PGLYRP3: variants seen among roughly 807,000 people sequenced by gnomAD.
PGLYRP3 encodes peptidoglycan recognition protein 3.
Under a neutral mutation model 36.0 loss-of-function variants are expected in PGLYRP3, and 39 were observed. The observed-to-expected ratio is 1.08, with a 90% CI of 0.84 to 1.41. The LOEUF (loss-of-function observed/expected upper bound fraction) is 1.41, where lower values mean the gene tolerates loss of function less well. PGLYRP3 is among the 40% of genes most tolerant of loss of function. The pLI, the probability that PGLYRP3 is intolerant of heterozygous loss-of-function variation, is 0.00. For synonymous variants in PGLYRP3, 204 were observed against 172.8 expected, an observed-to-expected ratio of 1.18 and a Z score of -1.42; for missense variants, 407 against 427.9, an observed-to-expected ratio of 0.95 and a Z score of 0.43.
intron 2 of PGLYRP3, 41 bp downstream of exon 2, chr1:153,310,570 G>C: frequency 6.3e-7 from 1 of 1,590,508 alleles, no homozygotes; most frequent in Non-Finnish European, 8.6e-7. Flanking sequence ...GTCTTCTCTT[G>C]CTCATCAAAA....
rs1659626338 is a variant in PGLYRP3, at chr1:153,302,596, T to A, written c.541A>T (p.Ile181Phe). ...PVMPRKVCPN[I>F]IKRSAWEARE... ...GCTTCCCAAGCAGATCGTTTGATGA[T>A]GTTGGGGCAAACTGTGGTAAAATGA... The change falls in exon 6 of 8, where the codon ATC becomes TTC. Residue 181 changes from isoleucine (I) to phenylalanine (F), a missense_variant. Transcript: ENST00000683862. 2.5e-6 allele frequency: 4 copies of A among 1,614,128 alleles called. No individual in the cohort carries two copies. The highest frequency in any genetic ancestry group is 3.4e-6 in the Non-Finnish European group (4 of 1,180,032).
In PGLYRP3 at chr1:153,307,226, G is replaced by A. The variant is rs150883037; in HGVS notation, c.97C>T (p.Pro33Ser). The A allele has an allele frequency of 4.3e-4, 689 of 1,610,464 alleles. 6 individuals are homozygous for A. Among genetic ancestry groups the A allele is most frequent in the Admixed American group, 5.7e-4 (34 of 59,576 alleles). Residue 33 changes from proline to serine, a missense_variant, in exon 3 of 8, where the codon CCG becomes TCG. Physicochemically the swap from Pro to Ser is moderately conservative, Grantham distance 74. Coordinates refer to ENST00000683862, the MANE Select transcript of PGLYRP3 (RefSeq NM_052891.3). ...IVSRKEWGAR[P>S]LACRALLTLP... ...GTCAGCAGGGCCCTGCAGGCGAGCG[G>A]TCTTGCCCCCCACTCCTTGCGGGAG... is the stretch of plus-strand genomic sequence containing the variant.
chr1:153,297,497 T>TG lies in PGLYRP3; in HGVS notation c.*458dup, dbSNP rs1557805139. Among the ~76,000 whole-genome samples, 4 of 28,152 alleles carry TG rather than the reference T, an allele frequency of 1.4e-4. No homozygotes were observed. Among genetic ancestry groups the TG allele is most frequent in the South Asian group, 1.7e-3 (1 of 604 alleles). The allele number at this position is 28,152 out of a possible 152,430, so 18.5% of individuals were successfully genotyped here. ...GAGAGTGAGAAAGCAAGAAAGAAGG[T>TG]GAAAGGAAGGAAGGAAGGAAGGAAG... On this transcript the variant is annotated 3_prime_UTR_variant, in exon 8 of 8. Coordinates refer to ENST00000683862, the MANE Select transcript of PGLYRP3 (RefSeq NM_052891.3).
rs1302671666 is a variant in PGLYRP3, at chr1:153,312,692, C to T, written c.-91G>A. 6.6e-6 allele frequency among the ~76,000 whole-genome samples: 1 copy of T among 152,086 alleles called. No homozygotes were observed. The highest frequency in any genetic ancestry group is 1.5e-5 in the Non-Finnish European group (1 of 68,002). ...CCAGCAGGTCAGGGTGCAGTCGGCT[C>T]GCCCCTGATTGGCCAGCAGCTCCTT... On this transcript the variant is annotated 5_prime_UTR_variant, in exon 1 of 8. Coordinates refer to ENST00000683862, the MANE Select transcript of PGLYRP3 (RefSeq NM_052891.3).
At chr1:153,298,171 T>C (rs765220253) in intron 7 of PGLYRP3, 37 bp from the exon 8 acceptor site, 1 of 1,600,468 alleles carries the variant, frequency 6.2e-7, no homozygotes, top group East Asian at 2.2e-5. Context: ...CATTAGGGGC[T>C]CAAAGTTTCT....
intron 4 of PGLYRP3, among the ~76,000 whole-genome samples, chr1:153,304,218 A>G (rs1418700194): frequency 6.6e-6 from 1 of 152,188 alleles, no homozygotes; most frequent in Non-Finnish European, 1.5e-5. Context: ...TCCAAGAGCC[A>G]AGCTAAGACT....
At chr1:153,299,060 G>T in intron 7 of PGLYRP3, 53 bp downstream of exon 7, 1 of 1,444,158 alleles carries the variant, frequency 6.9e-7, no homozygotes, top group Non-Finnish European at 9.7e-7. Flanking sequence ...TCCCAGACAT[G>T]CTGCATGGTC....
intron 6 of PGLYRP3, 42 bp downstream of exon 6, chr1:153,302,367 C>A (rs779382960): frequency 1.3e-6 from 2 of 1,599,536 alleles, no homozygotes; most frequent in Non-Finnish European, 1.7e-6. Context: ...TTCCTACAAT[C>A]CTGAAGAAAA....
Position 153,307,230 on chromosome 1 carries a change from TG to T in PGLYRP3, c.92del (p.Ala31GlufsTer10). ...PTIVSRKEWG[A>X]RPLACRALLT... ...GCAGGGCCCTGCAGGCGAGCGGTCT[TG>T]CCCCCCACTCCTTGCGGGAGACGAT... On this transcript the variant is annotated frameshift_variant, in exon 3 of 8. Transcript: ENST00000683862. LOFTEE classifies it high-confidence loss of function. The T allele has an allele frequency of 6.2e-7, 1 of 1,610,032 alleles. No homozygotes were observed. The highest frequency in any genetic ancestry group is 8.5e-7 in the Non-Finnish European group (1 of 1,178,422).
intron 1 of PGLYRP3, among the ~76,000 whole-genome samples, 102 bp downstream of exon 1, chr1:153,312,541 A>G (rs949006766): frequency 2.0e-5 from 3 of 152,144 alleles, no homozygotes; most frequent in Non-Finnish European, 2.9e-5. Context: ...TTTCCCTACC[A>G]TGTACACATT....
In PGLYRP3 at chr1:153,298,138, C is replaced by A. The variant is rs190366105; in HGVS notation, c.848-4G>T. 55 of 1,613,456 alleles carry A rather than the reference C, an allele frequency of 3.4e-5. No homozygotes were observed. In the African/African-American group the frequency reaches 6.8e-4, roughly 20 times the overall value. Reference sequence around the variant, plus strand: ...GCTGCAGCATTTGGAGGCTTTTCTGCAAAACACATTTTCCCCATCAGTCAT... The same window carrying A: ...GCTGCAGCATTTGGAGGCTTTTCTGAAAAACACATTTTCCCCATCAGTCAT... On this transcript the variant is annotated splice_polypyrimidine_tract_variant and splice_region_variant and intron_variant, in intron 7 of 7. Transcript: ENST00000683862.
intron 4 of PGLYRP3, 38 bp from the exon 5 acceptor site, chr1:153,304,047 A>G: frequency 1.3e-6 from 2 of 1,588,668 alleles, no homozygotes; most frequent in East Asian, 4.5e-5. Context: ...AATGTCAGTA[A>G]GAAACTCCAC....
intron 3 of PGLYRP3, 142 bp from the exon 4 acceptor site, chr1:153,305,207 C>T (rs1364068053): frequency 3.4e-6 from 2 of 596,798 alleles, no homozygotes; most frequent in Non-Finnish European, 5.8e-6. Flanking sequence ...TGCAGAATAA[C>T]CAGTTTTAGA....
intron 2 of PGLYRP3, 62 bp from the exon 3 acceptor site, chr1:153,307,329 A>C: frequency 6.7e-7 from 1 of 1,494,016 alleles, no homozygotes; most frequent in Non-Finnish European, 9.1e-7. Flanking sequence ...CAACAGGTCG[A>C]CCATGTGCCC....
rs1357889277 is a variant in PGLYRP3 at position 153,312,848 on chromosome 1, A to G, written c.-247T>C. On this transcript the variant is annotated 5_prime_UTR_variant, in exon 1 of 8. Coordinates refer to ENST00000683862, the MANE Select transcript of PGLYRP3 (RefSeq NM_052891.3). ...GCACTTGGGCTCTGGCTTCCCAGAG[A>G]GAAGAGGAGAGCCCAGGATCCCTAA... Among the ~76,000 whole-genome samples, 1 of 152,126 alleles carries G rather than the reference A, an allele frequency of 6.6e-6. No individual in the cohort carries two copies. The highest frequency in any genetic ancestry group is 1.5e-5 in the Non-Finnish European group (1 of 68,014).
chr1:153,302,927 A>G (rs1464777215), intron 5 of PGLYRP3, among the ~76,000 whole-genome samples: 1 of 152,346 alleles, frequency 6.6e-6, no homozygotes, highest in South Asian at 2.1e-4. Flanking sequence ...TTGCAAATAT[A>G]TATGCAGGTA....
At chr1:153,305,933 T>G (rs918038415) in intron 3 of PGLYRP3, among the ~76,000 whole-genome samples, 19 of 152,210 alleles carry the variant, frequency 1.2e-4, no homozygotes, top group Non-Finnish European at 2.4e-4. Flanking sequence ...GTCAGCTGCA[T>G]TGCAAAAACT....
intron 2 of PGLYRP3, 74 bp downstream of exon 2, chr1:153,310,537 T>C: frequency 6.7e-7 from 1 of 1,485,046 alleles, no homozygotes; most frequent in Admixed American, 1.7e-5. Context: ...TCGGATGGGT[T>C]TCTATTATTA....
chr1:153,312,303 C>A (rs961394897), intron 1 of PGLYRP3, among the ~76,000 whole-genome samples: 1 of 152,138 alleles, frequency 6.6e-6, no homozygotes, highest in Non-Finnish European at 1.5e-5. Flanking sequence ...CATTGCTGTG[C>A]ATCCTGTATA....
Sources: allele counts gnomAD v4.1 joint callset (sites outside exome capture counted in the v4.1 genomes callset), GRCh38; gene constraint gnomAD v4.1.1; transcripts MANE v1.5; gene names NCBI Gene and HGNC (gene_info 2026-07-23, HGNC 2026-07-21).